FLII: variants seen among roughly 807,000 people sequenced by gnomAD.
The protein encoded by FLII is protein flightless-1 homolog.
FLII carries 101 observed loss-of-function variants against 156.2 expected under a neutral mutation model. That is an observed-to-expected ratio of 0.65 (90% confidence interval 0.55 to 0.76). FLII has a LOEUF of 0.76. Among genes scored for constraint, FLII ranks in the 30% least tolerant of loss-of-function variants. The probability of loss-of-function intolerance (pLI) is 0.00; values close to 1 mark genes in which losing one functional copy is unlikely to be tolerated. For missense variants in FLII, 1,675 were observed against 1,682.8 expected (o/e 1.00, Z 0.08); for synonymous variants, 767 against 685.8 (o/e 1.12, Z -1.85).
chr17:18,252,002 C>A lies in FLII; in HGVS notation c.1243G>T (p.Ala415Ser). 1 of 1,612,810 alleles carries A rather than the reference C, an allele frequency of 6.2e-7. No individual in the cohort carries two copies. Among genetic ancestry groups the A allele is most frequent in the Non-Finnish European group, 8.5e-7 (1 of 1,179,618 alleles). ...ASPATVAAAAAAGSGPKDPMA... is the reference protein window; with the variant it reads ...ASPATVAAAASAGSGPKDPMA... ...GGCCAGACCTTTCCCCACTCACCAG[C>A]TGCAGCTGCAGCCACGGTAGCAGGA... The change falls in exon 11 of 30, where the codon GCT becomes TCT. Residue 415 changes from alanine to serine, a missense_variant. Coordinates refer to ENST00000327031, the MANE Select transcript of FLII (RefSeq NM_002018.4).
At chr17:18,256,122 C>G (rs1463991264) in intron 3 of FLII, among the ~76,000 whole-genome samples, 2 of 152,224 alleles carry the variant, frequency 1.3e-5, no homozygotes, top group Non-Finnish European at 2.9e-5. Context: ...CTACCACTGC[C>G]TGGCTCTGTG....
In FLII at chr17:18,251,267, T is replaced by G. The variant is rs1178267208; in HGVS notation, c.1594A>C (p.Lys532Gln). ...FYEADCYIVL[K>Q]TFLDDSGSLN... ...CTAACAGCATGCCCAGCCCTCACCT[T>G]GAGCACAATGTAGCAGTCAGCCTCG... The change falls in exon 13 of 30, where the codon AAG (lysine) becomes CAG (glutamine). Residue 532 changes from lysine (K) to glutamine (Q), a missense_variant and splice_region_variant. By Grantham distance (53) the Lys-to-Gln change is moderately conservative (BLOSUM62 1). Transcript: ENST00000327031. The G allele has an allele frequency of 6.2e-7, 1 of 1,613,710 alleles. No individual in the cohort carries two copies. Among genetic ancestry groups the G allele is most frequent in the Admixed American group, 1.7e-5 (1 of 60,020 alleles).
chr17:18,245,161 C>G lies in FLII; in HGVS notation c.3787G>C (p.Ala1263Pro). 1 of 1,613,392 alleles carries G rather than the reference C, an allele frequency of 6.2e-7. No homozygotes were observed. The highest frequency in any genetic ancestry group is 2.2e-5 in the East Asian group (1 of 44,858). Reference sequence around the variant, plus strand: ...TCTTAGGCCAGGGCCTTGCAGAAGGCGCTCCAGGCGTGGAAGCAGCGGGTA... The same window carrying G: ...TCTTAGGCCAGGGCCTTGCAGAAGGGGCTCCAGGCGTGGAAGCAGCGGGTA... ...AFTRCFHAWS[A>P]FCKALA is the part of the protein sequence containing the mutation. Residue 1263 changes from alanine to proline, a missense_variant, in exon 30 of 30, where the codon GCC (alanine) becomes CCC (proline). Ala to Pro is a conservative substitution (Grantham distance 27, BLOSUM62 -1). Transcript: ENST00000327031.
Position 18,247,707 on chromosome 17 carries a change from G to A in FLII, c.2437C>T (p.Arg813Trp), listed in dbSNP as rs367938881. 12 of 1,601,118 alleles carry A rather than the reference G, an allele frequency of 7.5e-6. No individual in the cohort carries two copies. Among genetic ancestry groups the A allele is most frequent in the African/African-American group, 1.3e-5 (1 of 74,876 alleles). The change falls in exon 20 of 30, where the codon CGG becomes TGG. Residue 813 changes from arginine to tryptophan, a missense_variant. This residue lies in a region of FLII where 1,332 missense variants were observed against 1,269.3 expected (regional missense o/e 1.05). Coordinates refer to ENST00000327031, the MANE Select transcript of FLII (RefSeq NM_002018.4). ...LGQELCGMLH[R>W]PRHATVSRSL... ...CGGCTGACCGTGGCATGGCGTGGCC[G>A]GTGCAGCATCCCGCACAGCTCCTGA... is the stretch of plus-strand genomic sequence containing the variant.
chr17:18,248,491 T>C (rs1451316218), intron 18 of FLII, 59 bp downstream of exon 18: 3 of 1,508,508 alleles, frequency 2.0e-6, no homozygotes, highest in Non-Finnish European at 2.7e-6. Context: ...GTGTAGTCCA[T>C]TCCCCCAGTC....
chr17:18,252,462 C>T lies in FLII; in HGVS notation c.1098+10G>A. The T allele has an allele frequency of 1.2e-6, 2 of 1,612,624 alleles. No homozygotes were observed. Among genetic ancestry groups the T allele is most frequent in the Non-Finnish European group, 1.7e-6 (2 of 1,179,034 alleles). ...CTCTCTTGAGCCCTCTCAAACCCAG[C>T]ATGCCTGACCTCGATCTCCGTCAGG... is the stretch of plus-strand genomic sequence containing the variant. On this transcript the variant is annotated intron_variant, in intron 10 of 29. Transcript: ENST00000327031.
rs777769815 is a variant in FLII at position 18,253,616 on chromosome 17, C to A, written c.783G>T (p.Leu261=). Residue 261 remains leucine (L), a synonymous_variant, in exon 8 of 30, where the codon CTG becomes CTT. Coordinates refer to ENST00000327031, the MANE Select transcript of FLII (RefSeq NM_002018.4). Reference sequence around the variant, plus strand: ...GCACCCACTGGTCTATGCACAGGGACAGCTCCGTGATCTGGTTGCTGCTGA... The same window carrying A: ...GCACCCACTGGTCTATGCACAGGGAAAGCTCCGTGATCTGGTTGCTGCTGA... ...LNLSSNQITE[L]SLCIDQWVHV... The A allele has an allele frequency of 3.1e-6, 5 of 1,613,968 alleles. No homozygotes were observed. The African/African-American group carries it at 6.7e-5, about 22-fold the overall frequency.
chr17:18,251,068 A>C (rs757052020), intron 13 of FLII, 51 bp from the exon 14 acceptor site: 2 of 1,558,120 alleles, frequency 1.3e-6, no homozygotes, highest in Non-Finnish European at 8.7e-7. Context: ...TCTTCCGGCC[A>C]CCCCGGAGAC....
At chr17:18,254,952 G>A in intron 4 of FLII, 98 bp from the exon 5 acceptor site, 3 of 1,223,112 alleles carry the variant, frequency 2.5e-6, no homozygotes, top group Non-Finnish European at 3.6e-6. Context: ...TGGGTGTGGG[G>A]GTAGATGAGG....
Position 18,248,712 on chromosome 17 carries a change from T to C in FLII, c.2028A>G (p.Ala676=). The change falls in exon 18 of 30, where the codon GCA becomes GCG. Residue 676 remains alanine (A), a synonymous_variant. Coordinates refer to ENST00000327031, the MANE Select transcript of FLII (RefSeq NM_002018.4). ...TCCGCTCATTCTTGTTAATTTTCTC[T>C]GCAAAGAGCCTGAGAGCAGGATGCA... is the stretch of plus-strand genomic sequence containing the variant. ...LSSTTKARLF[A]EKINKNERKG... 6.2e-7 allele frequency: 1 copy of C among 1,613,750 alleles called. No individual in the cohort carries two copies.
At chr17:18,253,159 AAAG>A (rs2048319747) in intron 9 of FLII, 139 bp downstream of exon 9, 2 of 868,942 alleles carry the variant, frequency 2.3e-6, no homozygotes, top group Non-Finnish European at 3.5e-6. Context: ...CAAAAACAAA[AAAG>A]AAAAGAAAAG....
At chr17:18,250,205 G>A (rs781093355) in intron 14 of FLII, among the ~76,000 whole-genome samples, 4 of 152,134 alleles carry the variant, frequency 2.6e-5, no homozygotes, top group East Asian at 1.9e-4. Flanking sequence ...GTTCACCCAC[G>A]TTTGTAAAGA....
At position 18,256,978 on chromosome 17, in the gene FLII, C is replaced by A. The variant is rs1387572198; in HGVS notation, c.105G>T (p.Leu35=). The A allele has an allele frequency of 1.2e-6, 2 of 1,611,604 alleles. No homozygotes were observed. The highest frequency in any genetic ancestry group is 1.7e-6 in the Non-Finnish European group (2 of 1,179,168). ...FPENVKAMTS[L]RWLKLNRTGL... Reference sequence around the variant, plus strand: ...CAGTGCGGTTCAGCTTCAGCCACCGCAGGCTGGTCATGGCCTTGACATTCT... The same window carrying A: ...CAGTGCGGTTCAGCTTCAGCCACCGAAGGCTGGTCATGGCCTTGACATTCT... The change falls in exon 2 of 30, where the codon CTG becomes CTT. Residue 35 remains leucine, a synonymous_variant. Coordinates refer to ENST00000327031, the MANE Select transcript of FLII (RefSeq NM_002018.4).
rs993897355 is a variant in FLII at position 18,256,532 on chromosome 17, C to T, written c.240G>A (p.Ser80=). ...CCTCCCGGCCAGCACTCACGCGCAG[C>T]GATGGCAGGCTGGACAGCTCCCCAT... ...TLHGELSSLP[S]LRAIVARANS... The change falls in exon 3 of 30, where the codon TCG becomes TCA. Residue 80 remains serine (S), a synonymous_variant. Transcript: ENST00000327031. The T allele has an allele frequency of 2.8e-5, 44 of 1,551,312 alleles. No individual in the cohort carries two copies. The highest frequency in any genetic ancestry group is 1.8e-4 in the South Asian group (15 of 84,056).
chr17:18,245,759 T>C lies in FLII; in HGVS notation c.3488A>G (p.His1163Arg). Residue 1163 changes from histidine (H) to arginine (R), a missense_variant, in exon 27 of 30, where the codon CAC (histidine) becomes CGC (arginine). His to Arg is a conservative substitution (Grantham distance 29). Transcript: ENST00000327031. ...PYDDDAEYMK[H>R]TRLFRCSNEK... is the part of the protein sequence containing the mutation. Reference sequence around the variant, plus strand: ...CTGGCCTCACCGGAAGAGACGTGTGTGTTTCATGTACTCGGCATCGTCATC... The same window carrying C: ...CTGGCCTCACCGGAAGAGACGTGTGCGTTTCATGTACTCGGCATCGTCATC... 6.2e-7 allele frequency: 1 copy of C among 1,613,876 alleles called. No individual in the cohort carries two copies. The highest frequency in any genetic ancestry group is 8.5e-7 in the Non-Finnish European group (1 of 1,179,864).
At chr17:18,250,258 G>C (rs767310068) in intron 14 of FLII, among the ~76,000 whole-genome samples, 4 of 152,184 alleles carry the variant, frequency 2.6e-5, no homozygotes, top group African/African-American at 4.8e-5. Context: ...GGGTACACAA[G>C]CAAGTGGGTT....
intron 20 of FLII, 132 bp from the exon 21 acceptor site, chr17:18,247,489 G>A (rs887483970): frequency 3.1e-5 from 33 of 1,069,832 alleles, no homozygotes; most frequent in Middle Eastern, 2.3e-4. Flanking sequence ...CGGACACGGA[G>A]GTAGGAATAG....
Position 18,251,007 on chromosome 17 carries a change from T to A in FLII, c.1607A>T (p.Asp536Val). The A allele has an allele frequency of 6.2e-7, 1 of 1,612,852 alleles. No homozygotes were observed. The highest frequency in any genetic ancestry group is 8.5e-7 in the Non-Finnish European group (1 of 1,179,490). Residue 536 changes from aspartate (D) to valine (V), a missense_variant, in exon 14 of 30, where the codon GAT becomes GTT. Asp to Val is a radical substitution (Grantham distance 152, BLOSUM62 -3). This residue lies in a region of FLII where 1,332 missense variants were observed against 1,269.3 expected (regional missense o/e 1.05). Transcript: ENST00000327031. ...CTCCCAGTTGAGGGAGCCGCTGTCA[T>A]CCAGAAAGGTCTGGAAGCCAAGGCA... ...DCYIVLKTFL[D>V]DSGSLNWEIY...
At position 18,248,864 on chromosome 17, in the gene FLII, G is replaced by C. The variant is rs762815739; in HGVS notation, c.1954C>G (p.Arg652Gly). ...CGCCATACGTAGATGTCTAGCCCTC[G>C]GTCCAGCAGGAAAACAAACCTGGAC... ...LDPRFVFLLD[R>G]GLDIYVWRGA... The change falls in exon 17 of 30, where the codon CGA becomes GGA. Residue 652 changes from arginine to glycine, a missense_variant. By Grantham distance (125) the Arg-to-Gly change is moderately radical. This residue lies in a region of FLII where 1,332 missense variants were observed against 1,269.3 expected (regional missense o/e 1.05). Coordinates refer to ENST00000327031, the MANE Select transcript of FLII (RefSeq NM_002018.4). The C allele has an allele frequency of 3.7e-6, 6 of 1,613,738 alleles. No individual in the cohort carries two copies. The South Asian group carries it at 5.5e-5, about 15-fold the overall frequency.
Sources: gnomAD v4.1 joint callset for allele counts (sites outside exome capture counted in the v4.1 genomes callset) on GRCh38, gnomAD v4.1.1 for gene constraint, gnomAD v4.1.1 regional missense constraint, MANE v1.5 for transcripts, NCBI Gene and HGNC (gene_info 2026-07-23, HGNC 2026-07-21) for gene names.